Variants in DLG2 observed in about 807,000 individuals in gnomAD.
DLG2 encodes the protein disks large homolog 2.
DLG2 carries 45 observed loss-of-function variants against 132.5 expected under a neutral mutation model. The observed-to-expected ratio is 0.34, with a 90% confidence interval of 0.27 to 0.44. The LOEUF is 0.44. Among genes scored for constraint, DLG2 ranks in the 20% least tolerant of loss-of-function variants. DLG2 has a pLI of 1.00. For missense variants in DLG2, 1,045 were observed against 1,196.9 expected (o/e 0.87, Z 1.87); for synonymous variants, 424 against 419.6 (o/e 1.01, Z -0.13).
At position 83,657,607 on chromosome 11, in the gene DLG2, C is replaced by T. The variant is rs977703921; in HGVS notation, c.1826-24282G>A. 5.0e-5 allele frequency among the ~76,000 whole-genome samples: 7 copies of T among 140,542 alleles called. No individual in the cohort carries two copies. The South Asian group carries it at 6.7e-4, about 14-fold the overall frequency. The allele number at this position is 140,542 out of a possible 152,430, so 92.2% of individuals were successfully genotyped here. A position where few individuals can be genotyped will look rare whatever the true frequency, so the allele number is the denominator to read the frequency against. ...AGGCTGCAGTGCAGTGGCGCGATCT[C>T]GGCTCACTGCAAGATCTGCCTCCCG... On this transcript the variant is annotated intron_variant, in intron 18 of 27. Coordinates refer to ENST00000376104, the MANE Select transcript of DLG2 (RefSeq NM_001142699.3).
chr11:84,754,567 G>A (rs958462720), intron 6 of DLG2, among the ~76,000 whole-genome samples: 11 of 152,234 alleles, frequency 7.2e-5, no homozygotes, highest in African/African-American at 2.6e-4. Flanking sequence ...GATCCTGGTT[G>A]TAAAAAATAA....
intron 6 of DLG2, among the ~76,000 whole-genome samples, chr11:84,893,382 A>T (rs1247457505): frequency 1.3e-5 from 2 of 152,166 alleles, no homozygotes; most frequent in Non-Finnish European, 2.9e-5. Context: ...AAGTATCACA[A>T]TGGGTTTCAA....
Position 84,149,394 on chromosome 11 carries a change from TATG to T in DLG2, c.624+14064_624+14066del, listed in dbSNP as rs752499430. 5.3e-5 allele frequency among the ~76,000 whole-genome samples: 8 copies of T among 152,190 alleles called. No individual in the cohort carries two copies. The East Asian group carries it at 9.6e-4, about 18-fold the overall frequency. ...AATCCATCTTGAGTTAAATTTTGTA[TATG>T]ATAAAAGGTAAGGGTCCAGTTTCAT... On this transcript the variant is annotated intron_variant, in intron 9 of 27. Transcript: ENST00000376104.
intron 8 of DLG2, among the ~76,000 whole-genome samples, chr11:84,233,829 G>A (rs550021063): frequency 1.5e-4 from 23 of 152,160 alleles, no homozygotes; most frequent in Non-Finnish European, 2.8e-4. Flanking sequence ...CTTTTTGTGC[G>A]TCTGCATCCT....
chr11:83,748,438 A>C lies in DLG2; in HGVS notation c.1825+38252T>G, dbSNP rs546697862. Among the ~76,000 whole-genome samples, 179 of 152,102 alleles carry C rather than the reference A, an allele frequency of 1.2e-3. 1 individual carries two copies. The highest frequency in any genetic ancestry group is 1.5e-3 in the Non-Finnish European group (103 of 67,976). Reference sequence around the variant, plus strand: ...TTTCCCTTTCCCTGACTCCACTCTTACTCTAATAAGCCTGCTTTTTCTACT... The same window carrying C: ...TTTCCCTTTCCCTGACTCCACTCTTCCTCTAATAAGCCTGCTTTTTCTACT... On this transcript the variant is annotated intron_variant, in intron 18 of 27. Transcript: ENST00000376104.
At chr11:83,703,005 GA>G (rs528524006) in intron 18 of DLG2, among the ~76,000 whole-genome samples, 2 of 152,196 alleles carry the variant, frequency 1.3e-5, no homozygotes, top group Non-Finnish European at 2.9e-5. Flanking sequence ...CCCCAGGGGG[GA>G]AAATATATTA....
chr11:83,507,300 A>T (rs1453307294), intron 21 of DLG2, among the ~76,000 whole-genome samples: 1 of 151,662 alleles, frequency 6.6e-6, no homozygotes, highest in African/African-American at 2.4e-5. Flanking sequence ...AACCCCCAAA[A>T]CTAATGAAAG....
rs147897962 is a variant in DLG2, at chr11:85,280,523, T to C, written c.186+4697A>G. Among the ~76,000 whole-genome samples, 60 of 152,212 alleles carry C rather than the reference T, an allele frequency of 3.9e-4. No individual in the cohort carries two copies. In the Middle Eastern group the frequency reaches 0.017, roughly 43 times the overall value. ...GCTGTTACTGTAACACTGTTAGTAA[T>C]ATAAACTTACTTTCTTTCTGTCACC... On this transcript the variant is annotated intron_variant, in intron 4 of 27. Coordinates refer to ENST00000376104, the MANE Select transcript of DLG2 (RefSeq NM_001142699.3).
chr11:84,136,232 C>A (rs766853299), intron 9 of DLG2, among the ~76,000 whole-genome samples: 27 of 151,984 alleles, frequency 1.8e-4, no homozygotes, highest in Non-Finnish European at 2.8e-4. Flanking sequence ...TAACATCTAC[C>A]ACATAGGTTC....
chr11:85,554,460 T>C (rs990719745), intron 3 of DLG2, among the ~76,000 whole-genome samples: 3 of 151,706 alleles, frequency 2.0e-5, no homozygotes, highest in African/African-American at 7.3e-5. Flanking sequence ...GTGAAAGAAG[T>C]CTAACATGGC....
chr11:85,464,245 C>A (rs1023088009), intron 3 of DLG2, among the ~76,000 whole-genome samples: 2 of 152,178 alleles, frequency 1.3e-5, no homozygotes, highest in African/African-American at 2.4e-5. Context: ...TTCCTGCCTG[C>A]TGCACAGACA....
intron 6 of DLG2, among the ~76,000 whole-genome samples, chr11:84,845,440 A>G (rs1185443493): frequency 6.6e-6 from 1 of 152,122 alleles, no homozygotes; most frequent in African/African-American, 2.4e-5. Context: ...ACAATAAACA[A>G]ATAATGATAT....
intron 6 of DLG2, among the ~76,000 whole-genome samples, chr11:84,753,627 T>C (rs975143427): frequency 3.9e-5 from 6 of 152,222 alleles, no homozygotes; most frequent in African/African-American, 9.6e-5. Flanking sequence ...TGAATAGTTA[T>C]GTATTCACAT....
intron 11 of DLG2, among the ~76,000 whole-genome samples, chr11:83,981,712 C>T (rs929887724): frequency 6.6e-6 from 1 of 152,174 alleles, no homozygotes; most frequent in Non-Finnish European, 1.5e-5. Context: ...GCTGGGATTA[C>T]AGGCATGAGC....
At chr11:84,805,564 A>T (rs917784566) in intron 6 of DLG2, among the ~76,000 whole-genome samples, 1 of 152,066 alleles carries the variant, frequency 6.6e-6, no homozygotes, top group Non-Finnish European at 1.5e-5. Context: ...TGTTCTCATG[A>T]TAAATTCCTC....
At chr11:84,833,201 C>A (rs931447800) in intron 6 of DLG2, among the ~76,000 whole-genome samples, 3 of 151,374 alleles carry the variant, frequency 2.0e-5, no homozygotes, top group Non-Finnish European at 4.4e-5. Context: ...CCACAGAGTG[C>A]CCTCTGCCCC....
intron 4 of DLG2, among the ~76,000 whole-genome samples, chr11:85,175,721 C>A (rs2079188777): frequency 6.6e-6 from 1 of 152,106 alleles, no homozygotes; most frequent in South Asian, 2.1e-4. Flanking sequence ...ACTCTGCCGT[C>A]ACCACCCAAA....
intron 20 of DLG2, among the ~76,000 whole-genome samples, chr11:83,537,640 T>A (rs2095915792): frequency 6.6e-6 from 1 of 150,912 alleles, no homozygotes; most frequent in South Asian, 2.1e-4. Flanking sequence ...TGTGGTGAAA[T>A]CTCGTCTCTC....
intron 19 of DLG2, among the ~76,000 whole-genome samples, chr11:83,587,784 G>A (rs1002934210): frequency 4.6e-5 from 7 of 152,218 alleles, no homozygotes; most frequent in South Asian, 4.1e-4. Context: ...GTGGGTGCGC[G>A]CACCGTGCGC....
Sources: allele counts gnomAD v4.1 joint callset (sites outside exome capture counted in the v4.1 genomes callset), GRCh38; gene constraint gnomAD v4.1.1; transcripts MANE v1.5; gene names NCBI Gene and HGNC (gene_info 2026-07-23, HGNC 2026-07-21).